Variants in DNER observed in about 807,000 individuals in gnomAD.
DNER encodes the protein delta/notch like EGF repeat containing.
DNER carries 33 observed loss-of-function variants against 78.2 expected under a neutral mutation model. The ratio of observed to expected loss-of-function variants is 0.42; its 90% confidence interval spans 0.32 to 0.56. The LOEUF is 0.56. Ranked by LOEUF, DNER falls within the 20% of genes least tolerant of loss-of-function variation. The pLI, the probability that DNER is intolerant of heterozygous loss-of-function variation, is 0.11. For missense variants in DNER, 918 were observed against 975.3 expected, an observed-to-expected ratio of 0.94 and a Z score of 0.78; for synonymous variants, 417 against 384.8, an observed-to-expected ratio of 1.08 and a Z score of -0.98.
intron 7 of DNER, among the ~76,000 whole-genome samples, chr2:229,471,355 G>GA (rs5839333): frequency 0.35 from 52,551 of 150,874 alleles, 10,474 homozygotes; most frequent in African/African-American, 0.55. Flanking sequence ...GCTATAAAAT[G>GA]AAAAAAAAAA....
intron 6 of DNER, among the ~76,000 whole-genome samples, chr2:229,481,097 G>T (rs919318734): frequency 6.6e-6 from 1 of 152,192 alleles, no homozygotes; most frequent in Non-Finnish European, 1.5e-5. Flanking sequence ...CTGCAAAGCC[G>T]ATGAGGGTAG....
At chr2:229,409,749 TG>T (rs1466932726) in intron 9 of DNER, among the ~76,000 whole-genome samples, 3 of 152,166 alleles carry the variant, frequency 2.0e-5, no homozygotes, top group African/African-American at 7.2e-5. Flanking sequence ...GCAGCAAGAC[TG>T]GACAAAAGCT....
chr2:229,708,018 C>T (rs2154217839), intron 1 of DNER, among the ~76,000 whole-genome samples: 1 of 152,318 alleles, frequency 6.6e-6, no homozygotes, highest in Admixed American at 6.5e-5. Flanking sequence ...CCCAAGGACA[C>T]CCAGAGCCAG....
At chr2:229,585,301 G>A (rs1179775689) in intron 4 of DNER, among the ~76,000 whole-genome samples, 2 of 152,146 alleles carry the variant, frequency 1.3e-5, no homozygotes, top group African/African-American at 4.8e-5. Context: ...TGATGCCTTC[G>A]CCAGGGCTGG....
rs1053254090 is a variant in DNER at position 229,592,009 on chromosome 2, C to T, written c.277-121G>A. 1.3e-5 allele frequency: 16 copies of T among 1,264,890 alleles called. No individual in the cohort carries two copies. In the South Asian group the frequency reaches 1.9e-4, roughly 15 times the overall value. 78.4% of individuals were successfully genotyped at this position (1,264,890 alleles called of 1,614,324 possible). On this transcript the variant is annotated intron_variant, in intron 1 of 12. Transcript: ENST00000341772. ...ATGGAAATGCTGTTCCTGTGGAATA[C>T]ACTCCTTAACTACTTGTGCTGTTGT...
At chr2:229,495,834 G>C (rs1695490529) in intron 6 of DNER, among the ~76,000 whole-genome samples, 1 of 152,134 alleles carries the variant, frequency 6.6e-6, no homozygotes, top group Non-Finnish European at 1.5e-5. Flanking sequence ...CGTATTTCTA[G>C]AGCAGTCTGT....
intron 7 of DNER, among the ~76,000 whole-genome samples, chr2:229,474,064 C>T (rs578174407): frequency 1.8e-4 from 27 of 152,118 alleles, no homozygotes; most frequent in Non-Finnish European, 2.8e-4. Context: ...TGCCACCACA[C>T]CCGGCTAAAT....
chr2:229,444,130 G>C (rs1314366881), intron 8 of DNER, among the ~76,000 whole-genome samples: 1 of 152,200 alleles, frequency 6.6e-6, no homozygotes, highest in Non-Finnish European at 1.5e-5. Flanking sequence ...CAATTATCAA[G>C]TCAAACGCTC....
At chr2:229,592,116 G>A (rs1244593646) in intron 1 of DNER, among the ~76,000 whole-genome samples, 1 of 152,282 alleles carries the variant, frequency 6.6e-6, no homozygotes. Context: ...ACAAAGTGGA[G>A]AGCAGCCTCC....
At chr2:229,442,413 G>A (rs1316306058) in intron 8 of DNER, among the ~76,000 whole-genome samples, 1 of 152,072 alleles carries the variant, frequency 6.6e-6, no homozygotes, top group Non-Finnish European at 1.5e-5. Context: ...TACTAGGGAG[G>A]CTGAGGCAGG....
At chr2:229,674,569 G>A (rs1015002290) in intron 1 of DNER, among the ~76,000 whole-genome samples, 2 of 152,192 alleles carry the variant, frequency 1.3e-5, no homozygotes, top group Admixed American at 6.5e-5. Context: ...GTGAGCCACT[G>A]CGCCTGGCCC....
intron 10 of DNER, among the ~76,000 whole-genome samples, chr2:229,389,509 T>G (rs1434692304): frequency 2.6e-5 from 4 of 152,160 alleles, no homozygotes; most frequent in Admixed American, 6.6e-5. Context: ...CAGAAAGTGA[T>G]GAGAACAAAA....
intron 1 of DNER, among the ~76,000 whole-genome samples, chr2:229,650,154 G>C (rs955024771): frequency 6.6e-6 from 1 of 150,808 alleles, no homozygotes; most frequent in East Asian, 1.9e-4. Context: ...TGAAATAAAC[G>C]CAAGAAACCT....
intron 1 of DNER, among the ~76,000 whole-genome samples, chr2:229,708,023 A>G (rs1699855367): frequency 6.6e-6 from 1 of 152,198 alleles, no homozygotes; most frequent in African/African-American, 2.4e-5. Flanking sequence ...GGACACCCAG[A>G]GCCAGATTCT....
At chr2:229,423,614 C>CA (rs3085435) in intron 8 of DNER, among the ~76,000 whole-genome samples, 2,078 of 81,968 alleles carry the variant, frequency 0.025, 27 homozygotes, top group African/African-American at 0.051. Flanking sequence ...GACTACATCT[C>CA]AAAAAAAAAA....
At chr2:229,430,032 T>C (rs568885634) in intron 8 of DNER, among the ~76,000 whole-genome samples, 13 of 152,252 alleles carry the variant, frequency 8.5e-5, no homozygotes, top group Non-Finnish European at 1.6e-4. Context: ...CTGGGTAAAT[T>C]GAATTTGCTA....
intron 4 of DNER, among the ~76,000 whole-genome samples, chr2:229,554,949 G>GGGAAGGGAAGGGAAT: frequency 1.8e-5 from 2 of 112,576 alleles, no homozygotes; most frequent in South Asian, 6.6e-4. Flanking sequence ...GAAAAGGGAA[G>GGGAAGGGAAGGGAAT]GGAAGGGAAG....
intron 1 of DNER, among the ~76,000 whole-genome samples, chr2:229,687,510 T>C (rs1352208361): frequency 6.6e-6 from 1 of 152,090 alleles, no homozygotes; most frequent in Non-Finnish European, 1.5e-5. Context: ...ATGATCCACC[T>C]ACCTCGGCCT....
intron 1 of DNER, chr2:229,701,931 C>G (rs893677897): frequency 6.1e-6 from 1 of 163,142 alleles, no homozygotes; most frequent in Non-Finnish European, 1.3e-5. Flanking sequence ...GCCCCAATGG[C>G]ATGCGGGCCA....
Sources: allele counts gnomAD v4.1 joint callset (sites outside exome capture counted in the v4.1 genomes callset), GRCh38; gene constraint gnomAD v4.1.1; transcripts MANE v1.5; gene names NCBI Gene and HGNC (gene_info 2026-07-23, HGNC 2026-07-21).